The following PCDH15 variants were observed in gnomAD, a reference collection of about 807,000 sequenced individuals.
PCDH15 encodes protocadherin-15.
A neutral mutation model predicts 178.5 loss-of-function variants in PCDH15; 129 were observed. That is an observed-to-expected ratio of 0.72 (90% CI 0.63 to 0.84). PCDH15 has a LOEUF of 0.84. Ranked by LOEUF, PCDH15 falls within the 40% of genes least tolerant of loss-of-function variation. The pLI, the probability that PCDH15 is intolerant of heterozygous loss-of-function variation, is 0.00. For synonymous variants in PCDH15, 800 were observed against 732.0 expected (o/e 1.09, Z -1.50); for missense variants, 2,230 against 2,099.9 (o/e 1.06, Z -1.21).
At chr10:54,050,753 G>T (rs956643845) in intron 18 of PCDH15, among the ~76,000 whole-genome samples, 1 of 152,102 alleles carries the variant, frequency 6.6e-6, no homozygotes, top group Non-Finnish European at 1.5e-5. Flanking sequence ...GCATCGCTGA[G>T]ATTCTGGTGT....
chr10:54,951,625 A>G (rs1838341023), intron 2 of PCDH15, among the ~76,000 whole-genome samples: 1 of 152,024 alleles, frequency 6.6e-6, no homozygotes, highest in South Asian at 2.1e-4. Context: ...TTAGTTTTGT[A>G]AGAAACTGTC....
intron 2 of PCDH15, among the ~76,000 whole-genome samples, chr10:54,988,583 A>G (rs1362027690): frequency 6.6e-6 from 1 of 152,212 alleles, no homozygotes; most frequent in Admixed American, 6.5e-5. Flanking sequence ...TTTAGCAAAG[A>G]GACTGGCAGC....
intron 24 of PCDH15, among the ~76,000 whole-genome samples, chr10:53,939,996 G>C (rs1052438160): frequency 1.3e-5 from 2 of 152,082 alleles, no homozygotes; most frequent in African/African-American, 4.8e-5. Context: ...ATAAAAGTAA[G>C]ATATTGACCA....
intron 13 of PCDH15, among the ~76,000 whole-genome samples, chr10:54,171,277 G>A (rs1439080353): frequency 3.3e-5 from 5 of 152,210 alleles, no homozygotes; most frequent in African/African-American, 1.2e-4. Flanking sequence ...TGGACTAAAG[G>A]TCTTTTAAAA....
intron 1 of PCDH15, among the ~76,000 whole-genome samples, chr10:54,676,449 C>G (rs2094792204): frequency 6.6e-6 from 1 of 151,828 alleles, no homozygotes; most frequent in African/African-American, 2.4e-5. Context: ...GTGAACATAG[C>G]CACTAAGTAT....
At chr10:54,731,563 TACACACACACACACACACAC>T (rs1159070523) in intron 1 of PCDH15, among the ~76,000 whole-genome samples, 95 of 49,808 alleles carry the variant, frequency 1.9e-3, no homozygotes, top group Non-Finnish European at 3.3e-3. Flanking sequence ...TATATATATA[TACACACACACACACACACAC>T]ACACACACAC....
At chr10:55,048,051 T>G (rs1841058366) in intron 2 of PCDH15, among the ~76,000 whole-genome samples, 1 of 151,854 alleles carries the variant, frequency 6.6e-6, no homozygotes, top group African/African-American at 2.4e-5. Flanking sequence ...CGAAGAAAGA[T>G]ACCATAAAGC....
At chr10:53,961,408 A>G (rs972914761) in intron 22 of PCDH15, among the ~76,000 whole-genome samples, 4 of 152,086 alleles carry the variant, frequency 2.6e-5, no homozygotes, top group Admixed American at 2.0e-4. Context: ...AAATAATAGT[A>G]TTAATGTCAC....
At chr10:54,175,929 T>A (rs2047386911) in intron 13 of PCDH15, among the ~76,000 whole-genome samples, 1 of 152,116 alleles carries the variant, frequency 6.6e-6, no homozygotes, top group Non-Finnish European at 1.5e-5. Flanking sequence ...TGATATAGAA[T>A]AACTACCTAT....
At chr10:54,419,723 A>T (rs1343286107) in intron 3 of PCDH15, among the ~76,000 whole-genome samples, 1 of 152,104 alleles carries the variant, frequency 6.6e-6, no homozygotes, top group Non-Finnish European at 1.5e-5. Context: ...ATTCCCCTTA[A>T]AGCAGAATTT....
intron 2 of PCDH15, among the ~76,000 whole-genome samples, chr10:55,397,887 C>T (rs1424200503): frequency 4.6e-5 from 7 of 152,100 alleles, no homozygotes; most frequent in Admixed American, 1.3e-4. Flanking sequence ...CCACGCCTGG[C>T]CTGTATACTG....
At chr10:55,567,312 A>T (rs939500846) in intron 2 of PCDH15, among the ~76,000 whole-genome samples, 2 of 151,968 alleles carry the variant, frequency 1.3e-5, no homozygotes, top group Non-Finnish European at 2.9e-5. Context: ...TGGAAGGCCT[A>T]AAACTATAAA....
At chr10:55,013,590 A>T (rs78858713) in intron 2 of PCDH15, among the ~76,000 whole-genome samples, 2 of 152,244 alleles carry the variant, frequency 1.3e-5, no homozygotes, top group East Asian at 3.9e-4. Context: ...CAACTCAGTG[A>T]TCCTATAAAT....
intron 2 of PCDH15, among the ~76,000 whole-genome samples, chr10:55,495,527 A>T (rs1448098596): frequency 2.0e-5 from 3 of 151,830 alleles, no homozygotes; most frequent in African/African-American, 7.2e-5. Context: ...AGGGAAATGA[A>T]ACTCAAGACA....
At chr10:54,583,422 G>A (rs1404787468) in intron 2 of PCDH15, among the ~76,000 whole-genome samples, 1 of 151,820 alleles carries the variant, frequency 6.6e-6, no homozygotes, top group African/African-American at 2.4e-5. Flanking sequence ...TCATGGAGAG[G>A]ACAAAATTAA....
At chr10:55,137,891 G>T (rs997857799) in intron 2 of PCDH15, among the ~76,000 whole-genome samples, 2 of 152,124 alleles carry the variant, frequency 1.3e-5, no homozygotes, top group Non-Finnish European at 2.9e-5. Context: ...CAAAGCTACT[G>T]GGGGCAGGAG....
At chr10:55,226,955 G>T (rs1267601342) in intron 1 of PCDH15, among the ~76,000 whole-genome samples, 1 of 151,936 alleles carries the variant, frequency 6.6e-6, no homozygotes, top group Non-Finnish European at 1.5e-5. Flanking sequence ...AAGTGGAAAT[G>T]ATGGACAAGA....
chr10:54,687,805 A>T (rs2095040782), intron 1 of PCDH15, among the ~76,000 whole-genome samples: 1 of 152,040 alleles, frequency 6.6e-6, no homozygotes, highest in Non-Finnish European at 1.5e-5. Context: ...TGCTCCTTTA[A>T]GACCACTTTG....
chr10:54,407,177 A>G (rs928334376), intron 3 of PCDH15, among the ~76,000 whole-genome samples: 1 of 152,184 alleles, frequency 6.6e-6, no homozygotes, highest in Admixed American at 6.5e-5. Flanking sequence ...ATAGTGATAG[A>G]AAACAAATCA....
Sources: allele counts gnomAD v4.1 joint callset (sites outside exome capture counted in the v4.1 genomes callset), GRCh38; gene constraint gnomAD v4.1.1; transcripts MANE v1.5; gene names NCBI Gene and HGNC (gene_info 2026-07-23, HGNC 2026-07-21).